Variants in CAMK4 observed in about 807,000 individuals in gnomAD.
The protein encoded by CAMK4 is calcium/calmodulin-dependent protein kinase type IV.
CAMK4 carries 22 observed loss-of-function variants against 44.9 expected under a neutral mutation model. That is an observed-to-expected ratio of 0.49 (90% CI 0.35 to 0.70). The LOEUF (loss-of-function observed/expected upper bound fraction) is 0.70, where lower values mean the gene tolerates loss of function less well. Among genes scored for constraint, CAMK4 ranks in the 30% least tolerant of loss-of-function variants. CAMK4 has a pLI of 0.01. For missense variants in CAMK4, 498 were observed against 586.8 expected, an observed-to-expected ratio of 0.85 and a Z score of 1.56; for synonymous variants, 218 against 215.4, an observed-to-expected ratio of 1.01 and a Z score of -0.11.
At chr5:111,382,889 G>C (rs61585311) in intron 4 of CAMK4, among the ~76,000 whole-genome samples, 7,238 of 152,220 alleles carry the variant, frequency 0.048, 574 homozygotes, top group African/African-American at 0.16. Flanking sequence ...GTTGGCTTAA[G>C]CTGACCTTTA....
At chr5:111,413,576 C>CAA (rs34333932) in intron 5 of CAMK4, among the ~76,000 whole-genome samples, 1 of 133,330 alleles carries the variant, frequency 7.5e-6, no homozygotes. Flanking sequence ...CACTCCATCT[C>CAA]AAAAAAAAAA....
At chr5:111,308,734 T>A (rs1404410038) in intron 1 of CAMK4, among the ~76,000 whole-genome samples, 1 of 152,232 alleles carries the variant, frequency 6.6e-6, no homozygotes, top group East Asian at 1.9e-4. Context: ...AATAGCTTAT[T>A]ACCGGAGCTT....
At chr5:111,355,570 T>C (rs941599310) in intron 2 of CAMK4, among the ~76,000 whole-genome samples, 2 of 150,952 alleles carry the variant, frequency 1.3e-5, no homozygotes, top group African/African-American at 2.4e-5. Flanking sequence ...GTTACATATG[T>C]ATACATGTGC....
intron 1 of CAMK4, among the ~76,000 whole-genome samples, chr5:111,297,592 T>C (rs1450239548): frequency 6.6e-6 from 1 of 152,244 alleles, no homozygotes; most frequent in African/African-American, 2.4e-5. Flanking sequence ...CATCAAAATA[T>C]TACAAATCTT....
At chr5:111,230,856 G>T (rs1383242707) in intron 1 of CAMK4, among the ~76,000 whole-genome samples, 2 of 149,958 alleles carry the variant, frequency 1.3e-5, no homozygotes, top group Non-Finnish European at 3.0e-5. Flanking sequence ...AAACTCTTTT[G>T]GGAAAGCTAC....
chr5:111,392,210 G>T (rs1751825899), intron 4 of CAMK4, among the ~76,000 whole-genome samples: 1 of 152,124 alleles, frequency 6.6e-6, no homozygotes, highest in South Asian at 2.1e-4. Context: ...CCCCAGTTCT[G>T]CATGGCTGCA....
At chr5:111,426,620 C>G (rs1361080700) in intron 5 of CAMK4, among the ~76,000 whole-genome samples, 2 of 152,132 alleles carry the variant, frequency 1.3e-5, no homozygotes, top group Non-Finnish European at 2.9e-5. Context: ...AAAATCAGTC[C>G]TGAATCACTA....
intron 7 of CAMK4, among the ~76,000 whole-genome samples, chr5:111,456,334 A>G (rs1754412831): frequency 6.6e-6 from 1 of 152,056 alleles, no homozygotes; most frequent in Admixed American, 6.5e-5. Flanking sequence ...TTCTAAAAAT[A>G]CAAAAAATTA....
At chr5:111,329,028 C>T (rs912694659) in intron 1 of CAMK4, among the ~76,000 whole-genome samples, 3 of 151,882 alleles carry the variant, frequency 2.0e-5, no homozygotes, top group African/African-American at 4.8e-5. Flanking sequence ...GCTTACCCAC[C>T]ATGATCAAGT....
Position 111,484,465 on chromosome 5 carries a change from A to G in CAMK4, c.1421A>G (p.Ter474=), listed in dbSNP as rs1049917216. ...PQQDVILPEY[*] Reference sequence around the variant, plus strand: ...CAAGATGTGATCCTGCCAGAGTACTAAACAGCTTCCTTCAGATCTGGAAGC... The same window carrying G: ...CAAGATGTGATCCTGCCAGAGTACTGAACAGCTTCCTTCAGATCTGGAAGC... Residue 474 remains the stop codon, a stop_retained_variant, in exon 11 of 11, where the codon TAA becomes TGA. Transcript: ENST00000282356. The surrounding 1 kb of genome is among the most constrained non-coding windows in gnomAD (Gnocchi z 5.3). 6 of 1,500,420 alleles carry G rather than the reference A, an allele frequency of 4.0e-6. No homozygotes were observed. The highest frequency in any genetic ancestry group is 4.4e-6 in the Non-Finnish European group (5 of 1,124,328). The allele number at this position is 1,500,420 out of a possible 1,614,324, so 92.9% of individuals were successfully genotyped here.
intron 5 of CAMK4, among the ~76,000 whole-genome samples, chr5:111,417,522 A>G (rs1392415861): frequency 6.6e-6 from 1 of 151,170 alleles, no homozygotes; most frequent in Non-Finnish European, 1.5e-5. Flanking sequence ...GGCCCCAGCT[A>G]ATTAAAAAAA....
chr5:111,463,079 T>A (rs552574348), intron 7 of CAMK4, among the ~76,000 whole-genome samples: 1 of 152,172 alleles, frequency 6.6e-6, no homozygotes, highest in East Asian at 1.9e-4. Flanking sequence ...AAGATTGGAG[T>A]ATGAGGTTTT....
intron 5 of CAMK4, among the ~76,000 whole-genome samples, chr5:111,420,107 C>G (rs1426855888): frequency 6.7e-6 from 1 of 149,042 alleles, no homozygotes; most frequent in South Asian, 2.1e-4. Flanking sequence ...TTTGTATCCT[C>G]TTTTATTTCA....
intron 1 of CAMK4, among the ~76,000 whole-genome samples, chr5:111,322,566 G>A (rs1220976526): frequency 1.3e-5 from 2 of 152,080 alleles, no homozygotes; most frequent in Non-Finnish European, 2.9e-5. Flanking sequence ...ACTCTCTAGT[G>A]TGTATCATTT....
chr5:111,432,080 A>T (rs1753466193), intron 5 of CAMK4, among the ~76,000 whole-genome samples: 1 of 152,200 alleles, frequency 6.6e-6, no homozygotes, highest in South Asian at 2.1e-4. Context: ...ACTGTTTACA[A>T]TAGCTAAGAT....
intron 1 of CAMK4, among the ~76,000 whole-genome samples, chr5:111,246,202 G>A (rs970361797): frequency 4.6e-5 from 7 of 152,170 alleles, no homozygotes; most frequent in African/African-American, 1.7e-4. Flanking sequence ...CATATTCTCA[G>A]AATAGCTGGA....
chr5:111,404,990 A>G (rs17466391), intron 5 of CAMK4, among the ~76,000 whole-genome samples: 54,254 of 152,072 alleles, frequency 0.36, 10,740 homozygotes, highest in South Asian at 0.5. Context: ...AGACTTTGAG[A>G]TACAGAGGTC....
intron 2 of CAMK4, among the ~76,000 whole-genome samples, chr5:111,349,519 C>G (rs394103): frequency 0.93 from 140,707 of 151,902 alleles, 65,317 homozygotes; most frequent in East Asian, 1. Context: ...AAAACTATAT[C>G]AAAGGAAAAA....
intron 10 of CAMK4, 103 bp downstream of exon 10, chr5:111,483,040 A>AT: frequency 1.0e-6 from 1 of 981,670 alleles, no homozygotes; most frequent in Admixed American, 3.8e-5. Flanking sequence ...TAATACTATT[A>AT]TCTATTTCTT....
Sources: allele counts gnomAD v4.1 joint callset (sites outside exome capture counted in the v4.1 genomes callset), GRCh38; gene constraint gnomAD v4.1.1; non-coding constraint Gnocchi (gnomAD v3.1); transcripts MANE v1.5; gene names NCBI Gene and HGNC (gene_info 2026-07-23, HGNC 2026-07-21).